Variants in CTNNA3 observed in about 807,000 individuals in gnomAD.
CTNNA3 encodes the protein catenin alpha 3.
A neutral mutation model predicts 95.7 loss-of-function variants in CTNNA3; 76 were observed. The observed-to-expected ratio is 0.79, with a 90% confidence interval of 0.66 to 0.96. The LOEUF is 0.96. Among genes scored for constraint, CTNNA3 ranks in the 40% least tolerant of loss-of-function variants. The pLI, the probability that CTNNA3 is intolerant of heterozygous loss-of-function variation, is 0.00. For synonymous variants in CTNNA3, 431 were observed against 374.4 expected (o/e 1.15, Z -1.74); for missense variants, 1,191 against 1,089.8 (o/e 1.09, Z -1.31).
intron 9 of CTNNA3, among the ~76,000 whole-genome samples, chr10:66,745,350 C>A (rs1439997284): frequency 1.3e-5 from 2 of 152,102 alleles, no homozygotes; most frequent in Admixed American, 1.3e-4. Context: ...TGGTAAAAAT[C>A]ACACCAAAGA....
intron 11 of CTNNA3, among the ~76,000 whole-genome samples, chr10:66,422,680 A>T: frequency 6.6e-6 from 1 of 152,144 alleles, no homozygotes; most frequent in East Asian, 1.9e-4. Context: ...CATTGCAGAT[A>T]TCGCTTTGAT....
intron 7 of CTNNA3, among the ~76,000 whole-genome samples, chr10:67,161,745 G>A (rs529514865): frequency 1.3e-5 from 2 of 152,000 alleles, no homozygotes; most frequent in African/African-American, 4.8e-5. Context: ...GAGGTTAGCA[G>A]AACAGATTAA....
intron 5 of CTNNA3, among the ~76,000 whole-genome samples, chr10:67,285,761 T>C (rs1308405669): frequency 2.0e-5 from 3 of 152,206 alleles, no homozygotes; most frequent in Non-Finnish European, 4.4e-5. Flanking sequence ...AATTAATGTT[T>C]GTTTTTTACA....
At chr10:66,372,246 T>G (rs1401077614) in intron 12 of CTNNA3, among the ~76,000 whole-genome samples, 1 of 152,196 alleles carries the variant, frequency 6.6e-6, no homozygotes, top group African/African-American at 2.4e-5. Flanking sequence ...CATAAATTAT[T>G]TTTCTATTGC....
intron 17 of CTNNA3, among the ~76,000 whole-genome samples, chr10:65,925,446 CT>C (rs1012082204): frequency 4.6e-5 from 7 of 151,748 alleles, no homozygotes; most frequent in Admixed American, 2.6e-4. Context: ...TATATCTTTT[CT>C]TTTTTTTGAG....
chr10:66,679,046 T>C (rs2394292), intron 9 of CTNNA3, among the ~76,000 whole-genome samples: 84,176 of 151,966 alleles, frequency 0.55, 24,067 homozygotes, highest in African/African-American at 0.68. Context: ...GGGTGTAATA[T>C]GGTCAATGTT....
rs367599520 is a variant in CTNNA3, at chr10:66,520,758, G to C, written c.1390C>G (p.Leu464Val). 2.9e-5 allele frequency: 47 copies of C among 1,612,432 alleles called. No individual in the cohort carries two copies. Among genetic ancestry groups the C allele is most frequent in the African/African-American group, 8.0e-5 (6 of 74,808 alleles). ...TLCPQIINAA[L>V]ALAARPKSQA... ...CTTTTGGGTCTTGCAGCCAAAGCAA[G>C]TGCAGCATTAATAATCTATAAAGAT... Residue 464 changes from leucine to valine, a missense_variant, in exon 11 of 18, where the codon CTT becomes GTT. Physicochemically the swap from Leu to Val is conservative, Grantham distance 32. Transcript: ENST00000433211.
chr10:66,479,028 T>C (rs569068071), intron 11 of CTNNA3, among the ~76,000 whole-genome samples: 1 of 145,680 alleles, frequency 6.9e-6, no homozygotes, highest in Non-Finnish European at 1.5e-5. Context: ...CCTAATATTA[T>C]ATAGATTTTG....
chr10:66,460,010 A>G (rs2093518305), intron 11 of CTNNA3, among the ~76,000 whole-genome samples: 1 of 152,104 alleles, frequency 6.6e-6, no homozygotes, highest in South Asian at 2.1e-4. Context: ...TTTTCTTCCA[A>G]AATAGACAGC....
intron 7 of CTNNA3, among the ~76,000 whole-genome samples, chr10:67,032,778 T>A (rs1853812996): frequency 6.6e-6 from 1 of 152,210 alleles, no homozygotes; most frequent in Non-Finnish European, 1.5e-5. Context: ...ATTTTCCTTT[T>A]TTTATGTGTT....
intron 13 of CTNNA3, among the ~76,000 whole-genome samples, chr10:66,158,627 G>T (rs200939937): frequency 1.3e-5 from 2 of 151,944 alleles, no homozygotes; most frequent in Non-Finnish European, 2.9e-5. Context: ...CTTTGGCTAT[G>T]CAGGCTCTTT....
intron 13 of CTNNA3, among the ~76,000 whole-genome samples, chr10:66,228,062 CTT>C (rs1401296782): frequency 1.3e-5 from 2 of 151,910 alleles, no homozygotes; most frequent in African/African-American, 4.8e-5. Context: ...TCTCTTTTTT[CTT>C]TGTTTGTCTC....
chr10:65,984,936 A>G (rs1031248021), intron 16 of CTNNA3, among the ~76,000 whole-genome samples: 1 of 151,148 alleles, frequency 6.6e-6, no homozygotes, highest in African/African-American at 2.4e-5. Flanking sequence ...CAAACTCAGA[A>G]ATTTTGACTT....
At chr10:66,721,659 G>C (rs1307737483) in intron 9 of CTNNA3, among the ~76,000 whole-genome samples, 1 of 152,180 alleles carries the variant, frequency 6.6e-6, no homozygotes. Flanking sequence ...AGCCAGAAGG[G>C]AGCAAGAGAG....
chr10:67,057,031 A>C (rs139151611), intron 7 of CTNNA3, among the ~76,000 whole-genome samples: 1 of 152,200 alleles, frequency 6.6e-6, no homozygotes, highest in African/African-American at 2.4e-5. Context: ...TAAGCACTAC[A>C]TCAGCAATTC....
intron 5 of CTNNA3, among the ~76,000 whole-genome samples, chr10:67,392,498 T>C (rs982182023): frequency 2.6e-5 from 4 of 152,180 alleles, no homozygotes; most frequent in South Asian, 2.1e-4. Context: ...GTCAGTGTGG[T>C]GATTCCTCAG....
chr10:66,981,182 G>T (rs369649690), intron 7 of CTNNA3, among the ~76,000 whole-genome samples: 3 of 152,192 alleles, frequency 2.0e-5, no homozygotes, highest in South Asian at 2.1e-4. Context: ...GGGATTACAG[G>T]CGTGAGCCAC....
chr10:67,551,099 T>C (rs1439767236), intron 3 of CTNNA3, among the ~76,000 whole-genome samples: 3 of 152,116 alleles, frequency 2.0e-5, no homozygotes, highest in South Asian at 2.1e-4. Context: ...AGGACTGTCC[T>C]GGCCTGCCAC....
At chr10:67,726,268 TTATA>T (rs1173850034) in intron 1 of CTNNA3, among the ~76,000 whole-genome samples, 2 of 69,086 alleles carry the variant, frequency 2.9e-5, no homozygotes, top group African/African-American at 1.4e-4. Context: ...GTATTACATA[TTATA>T]TATATTATAT....
Sources: gnomAD v4.1 joint callset for allele counts (sites outside exome capture counted in the v4.1 genomes callset) on GRCh38, gnomAD v4.1.1 for gene constraint, MANE v1.5 for transcripts, NCBI Gene and HGNC (gene_info 2026-07-23, HGNC 2026-07-21) for gene names.